The following ASB8 variants were observed in gnomAD, a reference collection of about 807,000 sequenced individuals.
ASB8 encodes the protein ankyrin repeat and SOCS box protein 8.
Under a neutral mutation model 22.9 loss-of-function variants are expected in ASB8, and 15 were observed. That is an observed-to-expected ratio of 0.66 (90% confidence interval 0.44 to 1.01). ASB8 has a LOEUF of 1.01. ASB8 is among the 50% of genes least tolerant of loss of function. ASB8 has a pLI of 0.00. For synonymous variants in ASB8, 124 were observed against 140.8 expected, an observed-to-expected ratio of 0.88 and a Z score of 0.84; for missense variants, 294 against 356.9, an observed-to-expected ratio of 0.82 and a Z score of 1.42.
chr12:48,153,394 C>T lies in ASB8; in HGVS notation c.103G>A (p.Asp35Asn). ...CCTCTGATGAGGTCCTCTACATTAT[C>T]ATGTGGGAAGGAACGGATGGCAGCA... The part of the protein sequence containing the change: ...TIAAIRSFPH[D>N]NVEDLIRGGA... The change falls in exon 2 of 4, where the codon GAT (aspartate) becomes AAT (asparagine). Residue 35 changes from aspartate (D) to asparagine (N), a missense_variant. Physicochemically the swap from Asp to Asn is conservative, Grantham distance 23. Coordinates refer to ENST00000317697, the MANE Select transcript of ASB8 (RefSeq NM_024095.5). The T allele has an allele frequency of 1.2e-6, 2 of 1,613,980 alleles. No individual in the cohort carries two copies. The highest frequency in any genetic ancestry group is 2.2e-5 in the East Asian group (1 of 44,872).
At chr12:48,150,435 T>C (rs1207772640) in intron 3 of ASB8, among the ~76,000 whole-genome samples, 2 of 152,242 alleles carry the variant, frequency 1.3e-5, no homozygotes, top group East Asian at 1.9e-4. Flanking sequence ...CTGTGGCTAA[T>C]GTAGCAACCA....
chr12:48,149,168 A>G lies in ASB8; in HGVS notation c.*198T>C. The G allele has an allele frequency of 1.6e-6, 1 of 626,606 alleles. No individual in the cohort carries two copies. The highest frequency in any genetic ancestry group is 2.2e-5 in the South Asian group (1 of 45,520). The allele number at this position is 626,606 out of a possible 1,614,324, so 38.8% of individuals were successfully genotyped here. A position where few individuals can be genotyped will look rare whatever the true frequency, so the allele number is the denominator to read the frequency against. Reference sequence around the variant, plus strand: ...CCAGGTAAGCAATAAACAGAAAACAAAAGTGAGGGATTTTTTTTGTTGGGT... The same window carrying G: ...CCAGGTAAGCAATAAACAGAAAACAGAAGTGAGGGATTTTTTTTGTTGGGT... On this transcript the variant is annotated 3_prime_UTR_variant, in exon 4 of 4. Coordinates refer to ENST00000317697, the MANE Select transcript of ASB8 (RefSeq NM_024095.5).
chr12:48,155,740 A>ATAT lies in ASB8; in HGVS notation c.-34+1718_-34+1719insATA, dbSNP rs1555211485. ...GTGAGACTCCATCTCAAAAAAAAAAAAAATATATATATATATATGTATATA... is the reference window on the plus strand; with the variant it reads ...GTGAGACTCCATCTCAAAAAAAAAAATATAAATATATATATATATATGTATATA... On this transcript the variant is annotated intron_variant, in intron 1 of 3. Coordinates refer to ENST00000317697, the MANE Select transcript of ASB8 (RefSeq NM_024095.5). 1.9e-3 allele frequency among the ~76,000 whole-genome samples: 211 copies of ATAT among 109,394 alleles called. 1 individual carries two copies. The East Asian group carries it at 0.031, about 16-fold the overall frequency. The allele number at this position is 109,394 out of a possible 152,430, so 71.8% of individuals were successfully genotyped here.
chr12:48,151,618 C>G (rs1173321641), intron 2 of ASB8: 1 of 1,408,644 alleles, frequency 7.1e-7, no homozygotes, highest in South Asian at 1.2e-5. Flanking sequence ...ACCTTATCAT[C>G]AGGCAGGAAA....
intron 2 of ASB8, chr12:48,153,151 T>C (rs1176868747): frequency 5.7e-6 from 3 of 522,608 alleles, no homozygotes; most frequent in East Asian, 3.6e-5. Flanking sequence ...TGAGAACATA[T>C]TCCATGAAGA....
intron 2 of ASB8, among the ~76,000 whole-genome samples, chr12:48,152,476 T>A (rs917557837): frequency 2.0e-5 from 3 of 152,178 alleles, no homozygotes; most frequent in South Asian, 4.1e-4. Context: ...AAGAGGATAG[T>A]AAAGACCTTC....
chr12:48,154,342 G>T (rs549099288), intron 1 of ASB8, among the ~76,000 whole-genome samples: 1 of 151,902 alleles, frequency 6.6e-6, no homozygotes, highest in Non-Finnish European at 1.5e-5. Flanking sequence ...TTAGCTGGAC[G>T]TGGTGGTGGG....
At chr12:48,150,028 A>G in intron 3 of ASB8, 30 bp from the exon 4 acceptor site, 3 of 1,598,072 alleles carry the variant, frequency 1.9e-6, no homozygotes, top group Non-Finnish European at 2.6e-6. Flanking sequence ...ATTACAGTAG[A>G]CAGACTACTG....
chr12:48,151,386 G>A lies in ASB8; in HGVS notation c.130-81C>T, dbSNP rs1353739553. The stretch of plus-strand genomic sequence containing the variant: ...ACAGAATTCAGAACTGAGTCCAGGG[G>A]ACAGAGAGTTCTAACTCTCACTATT... On this transcript the variant is annotated intron_variant, in intron 2 of 3. Coordinates refer to ENST00000317697, the MANE Select transcript of ASB8 (RefSeq NM_024095.5). 4 of 1,175,022 alleles carry A rather than the reference G, an allele frequency of 3.4e-6. No individual in the cohort carries two copies. The Admixed American group carries it at 9.0e-5, about 26-fold the overall frequency. The allele number at this position is 1,175,022 out of a possible 1,614,324, so 72.8% of individuals were successfully genotyped here. A position where few individuals can be genotyped will look rare whatever the true frequency, so the allele number is the denominator to read the frequency against.
intron 1 of ASB8, chr12:48,153,987 TCTA>T (rs908915001): frequency 1.3e-5 from 2 of 155,368 alleles, no homozygotes; most frequent in African/African-American, 4.8e-5. Flanking sequence ...GACTTTGTCT[TCTA>T]CTTTTTCACC....
rs193291630 is a variant in ASB8, at chr12:48,149,364, G to A, written c.*2C>T. The stretch of plus-strand genomic sequence containing the variant: ...GCACGATGGTGCAAACATCTTCTCC[G>A]GCTATTCTAAAAGTAACAGGTATTC... On this transcript the variant is annotated 3_prime_UTR_variant, in exon 4 of 4. Coordinates refer to ENST00000317697, the MANE Select transcript of ASB8 (RefSeq NM_024095.5). The A allele has an allele frequency of 3.1e-4, 503 of 1,611,636 alleles. 1 individual carries two copies. In the East Asian group the frequency reaches 7.2e-3, roughly 23 times the overall value.
At chr12:48,150,951 A>G (rs1001160915) in intron 3 of ASB8, 10 of 565,354 alleles carry the variant, frequency 1.8e-5, no homozygotes, top group South Asian at 1.7e-4. Flanking sequence ...GAAGAAAGAA[A>G]GGCAGAGTAT....
intron 1 of ASB8, among the ~76,000 whole-genome samples, chr12:48,155,866 C>T (rs1231679471): frequency 1.3e-5 from 2 of 150,342 alleles, no homozygotes; most frequent in African/African-American, 2.4e-5. Context: ...ACCTCAGCCT[C>T]CCAGGCTCAA....
rs371161682 is a variant in ASB8, at chr12:48,155,742, A to AAATAT, written c.-34+1716_-34+1717insATATT. On this transcript the variant is annotated intron_variant, in intron 1 of 3. Coordinates refer to ENST00000317697, the MANE Select transcript of ASB8 (RefSeq NM_024095.5). Reference sequence around the variant, plus strand: ...GAGACTCCATCTCAAAAAAAAAAAAAATATATATATATATATGTATATATA... The same window carrying AAATAT: ...GAGACTCCATCTCAAAAAAAAAAAAAAATATATATATATATATATATGTATATATA... Among the ~76,000 whole-genome samples, 68 of 114,938 alleles carry AAATAT rather than the reference A, an allele frequency of 5.9e-4. 1 individual carries two copies. Among genetic ancestry groups the AAATAT allele is most frequent in the African/African-American group, 2.2e-3 (66 of 29,540 alleles). 75.4% of individuals were successfully genotyped at this position (114,938 alleles called of 152,430 possible).
At position 48,149,225 on chromosome 12, in the gene ASB8, G is replaced by A; in HGVS notation, c.*141C>T. The A allele has an allele frequency of 1.1e-6, 1 of 896,888 alleles. No individual in the cohort carries two copies. 55.6% of individuals were successfully genotyped at this position (896,888 alleles called of 1,614,324 possible). On this transcript the variant is annotated 3_prime_UTR_variant, in exon 4 of 4. Transcript: ENST00000317697. ...GTTTGGGAAGGGGAGGTGCTATGGA[G>A]GTTATTGTTGTGACATGTTGCTTCG...
In ASB8 at chr12:48,149,474, G is replaced by C. The variant is rs780702003; in HGVS notation, c.759C>G (p.Leu253=). The C allele has an allele frequency of 1.2e-6, 2 of 1,613,460 alleles. No homozygotes were observed. Among genetic ancestry groups the C allele is most frequent in the Non-Finnish European group, 1.7e-6 (2 of 1,179,338 alleles). ...GGCTACGGCGCACGGCATAGCGAGCGAGTGTTTTTAGAGTTCCTGGAGCTG... is the reference window on the plus strand; with the variant it reads ...GGCTACGGCGCACGGCATAGCGAGCCAGTGTTTTTAGAGTTCCTGGAGCTG... ...LCSAPGTLKT[L]ARYAVRRSLG... is the part of the protein sequence containing the mutation. Residue 253 remains leucine (L), a synonymous_variant, in exon 4 of 4, where the codon CTC becomes CTG. Transcript: ENST00000317697.
intron 3 of ASB8, 77 bp downstream of exon 3, chr12:48,151,124 T>A: frequency 1.8e-6 from 2 of 1,140,448 alleles, no homozygotes; most frequent in African/African-American, 3.0e-5. Flanking sequence ...GATGGAGGAG[T>A]GATGGGGAGA....
intron 2 of ASB8, among the ~76,000 whole-genome samples, chr12:48,152,150 CA>C (rs61131844): frequency 0.094 from 12,074 of 127,814 alleles, 1,071 homozygotes; most frequent in East Asian, 0.37. Context: ...AACTCCGTCT[CA>C]AAAAAAAAAA....
Position 48,149,136 on chromosome 12 carries a change from T to A in ASB8, c.*230A>T. 1 of 563,244 alleles carries A rather than the reference T, an allele frequency of 1.8e-6. No homozygotes were observed. The allele number at this position is 563,244 out of a possible 1,614,324, so 34.9% of individuals were successfully genotyped here. On this transcript the variant is annotated 3_prime_UTR_variant, in exon 4 of 4. Coordinates refer to ENST00000317697, the MANE Select transcript of ASB8 (RefSeq NM_024095.5). ...ACCTCTTCTTTTGCAAAATGCAATATAAAAAGCCAGGTAAGCAATAAACAG... is the reference window on the plus strand; with the variant it reads ...ACCTCTTCTTTTGCAAAATGCAATAAAAAAAGCCAGGTAAGCAATAAACAG...
Sources: gnomAD v4.1 joint callset for allele counts (sites outside exome capture counted in the v4.1 genomes callset) on GRCh38, gnomAD v4.1.1 for gene constraint, MANE v1.5 for transcripts, NCBI Gene and HGNC (gene_info 2026-07-23, HGNC 2026-07-21) for gene names.